Variants in EYA4 observed in about 807,000 individuals in gnomAD.
The protein encoded by EYA4 is protein phosphatase EYA4.
A neutral mutation model predicts 87.9 loss-of-function variants in EYA4; 31 were observed. The ratio of observed to expected loss-of-function variants is 0.35; its 90% CI spans 0.27 to 0.48. The LOEUF is 0.48. Among genes scored for constraint, EYA4 ranks in the 20% least tolerant of loss-of-function variants. The pLI, the probability that EYA4 is intolerant of heterozygous loss-of-function variation, is 0.99. For missense variants in EYA4, 678 were observed against 761.4 expected (o/e 0.89, Z 1.29); for synonymous variants, 263 against 270.6 (o/e 0.97, Z 0.28).
chr6:133,284,028 C>G (rs963601698), intron 2 of EYA4, among the ~76,000 whole-genome samples: 1 of 152,204 alleles, frequency 6.6e-6, no homozygotes, highest in African/African-American at 2.4e-5. Context: ...TCATGTTAAA[C>G]ACGTGAACTC....
At chr6:133,357,270 C>CAAAAAAAAAA (rs754202361) in intron 2 of EYA4, among the ~76,000 whole-genome samples, 1 of 65,302 alleles carries the variant, frequency 1.5e-5, no homozygotes, top group African/African-American at 6.6e-5. Flanking sequence ...GACTCCGTCT[C>CAAAAAAAAAA]AAAAAAAAAA....
At chr6:133,395,032 A>G (rs1168645234) in intron 3 of EYA4, among the ~76,000 whole-genome samples, 4 of 152,216 alleles carry the variant, frequency 2.6e-5, no homozygotes, top group African/African-American at 9.6e-5. Flanking sequence ...TCCCATTAAA[A>G]TATTTTAGAA....
At chr6:133,356,042 A>G (rs1783997016) in intron 2 of EYA4, among the ~76,000 whole-genome samples, 1 of 116,636 alleles carries the variant, frequency 8.6e-6, no homozygotes, top group Non-Finnish European at 1.6e-5. Context: ...AGAGAGAGAA[A>G]GAGAGAAAGA....
intron 2 of EYA4, among the ~76,000 whole-genome samples, chr6:133,302,082 A>G (rs1389773072): frequency 1.3e-5 from 2 of 152,222 alleles, no homozygotes; most frequent in African/African-American, 4.8e-5. Flanking sequence ...GTTTTTGCAA[A>G]TGACTCAGAA....
chr6:133,288,734 G>C (rs768643155), intron 2 of EYA4, among the ~76,000 whole-genome samples: 13 of 152,144 alleles, frequency 8.5e-5, no homozygotes, highest in Non-Finnish European at 1.8e-4. Context: ...TGAAGTGCAA[G>C]GAGGAAGATG....
intron 1 of EYA4, chr6:133,248,292 G>C (rs1774586479): frequency 6.6e-6 from 1 of 152,212 alleles, no homozygotes; most frequent in South Asian, 2.1e-4. Flanking sequence ...TAAAATGAAA[G>C]GGACATTTCT....
In EYA4 at chr6:133,355,618, C is replaced by T. The variant is rs145659282; in HGVS notation, c.34-26774C>T. On this transcript the variant is annotated intron_variant, in intron 2 of 19. Transcript: ENST00000355286. ...CCTGGGGATGAACCATACTCTTAAG[C>T]TTACTTGGGATGGCTTGTCCTCATT... is the stretch of plus-strand genomic sequence containing the variant. Among the ~76,000 whole-genome samples, 415 of 152,238 alleles carry T rather than the reference C, an allele frequency of 2.7e-3. 1 individual carries two copies. Among genetic ancestry groups the T allele is most frequent in the African/African-American group, 9.5e-3 (396 of 41,536 alleles).
chr6:133,360,020 C>CAGGA (rs1215170657), intron 2 of EYA4, among the ~76,000 whole-genome samples: 3 of 152,140 alleles, frequency 2.0e-5, no homozygotes, highest in South Asian at 2.1e-4. Flanking sequence ...GAAGGTAGCC[C>CAGGA]AGGAAGGGTT....
chr6:133,496,806 C>T (rs1797683649), intron 13 of EYA4, among the ~76,000 whole-genome samples: 1 of 152,064 alleles, frequency 6.6e-6, no homozygotes, highest in South Asian at 2.1e-4. Context: ...AAAAATATAC[C>T]TTCTTTCTCC....
intron 5 of EYA4, among the ~76,000 whole-genome samples, chr6:133,449,470 TG>T (rs1413346337): frequency 6.6e-6 from 1 of 152,222 alleles, no homozygotes; most frequent in Non-Finnish European, 1.5e-5. Flanking sequence ...AATTTACCTC[TG>T]ATCTCAACCA....
At chr6:133,257,168 G>T (rs1463093962) in intron 1 of EYA4, among the ~76,000 whole-genome samples, 1 of 152,076 alleles carries the variant, frequency 6.6e-6, no homozygotes, top group Non-Finnish European at 1.5e-5. Flanking sequence ...ATTGATTAAG[G>T]ATTTGTTATA....
intron 3 of EYA4, among the ~76,000 whole-genome samples, chr6:133,412,521 T>C (rs1789332601): frequency 1.3e-5 from 2 of 152,212 alleles, no homozygotes; most frequent in African/African-American, 4.8e-5. Flanking sequence ...GTAATGTATG[T>C]ATTTTTTGTG....
rs184291946 is a variant in EYA4 at position 133,389,816 on chromosome 6, A to G, written c.83+7375A>G. On this transcript the variant is annotated intron_variant, in intron 3 of 19. Coordinates refer to ENST00000355286, the MANE Select transcript of EYA4 (RefSeq NM_004100.5). ...TCAGCTATAGCCCCCCCAATTTTCT[A>G]TGAAACCATGTTTTTTGAATTTTCC... Among the ~76,000 whole-genome samples the G allele has an allele frequency of 1.6e-4, 24 of 152,188 alleles. 1 individual carries two copies. In the Middle Eastern group the frequency reaches 0.014, roughly 86 times the overall value.
At chr6:133,296,087 G>A (rs899155744) in intron 2 of EYA4, among the ~76,000 whole-genome samples, 31 of 152,162 alleles carry the variant, frequency 2.0e-4, no homozygotes, top group African/African-American at 7.0e-4. Context: ...CAGGCCTGAA[G>A]GAAGTAAAAG....
intron 1 of EYA4, among the ~76,000 whole-genome samples, chr6:133,243,577 G>GT (rs1409246046): frequency 6.7e-5 from 10 of 150,324 alleles, no homozygotes; most frequent in African/African-American, 2.2e-4. Flanking sequence ...CGTTGTTTTT[G>GT]TTTTTAAAAC....
intron 2 of EYA4, among the ~76,000 whole-genome samples, chr6:133,374,989 A>G (rs563242614): frequency 6.6e-6 from 1 of 152,068 alleles, no homozygotes; most frequent in Admixed American, 6.6e-5. Flanking sequence ...TTGTATAAAC[A>G]TATTAAAACA....
chr6:133,264,494 C>T (rs1183902261), intron 1 of EYA4, among the ~76,000 whole-genome samples: 1 of 152,222 alleles, frequency 6.6e-6, no homozygotes, highest in African/African-American at 2.4e-5. Context: ...CCTGCCCAAG[C>T]AGGGAACAAT....
At chr6:133,376,782 C>A (rs1461767882) in intron 2 of EYA4, among the ~76,000 whole-genome samples, 1 of 151,796 alleles carries the variant, frequency 6.6e-6, no homozygotes, top group Admixed American at 6.6e-5. Flanking sequence ...ATATATTTTC[C>A]AGATATTGAA....
chr6:133,359,056 G>A (rs1784278346), intron 2 of EYA4, among the ~76,000 whole-genome samples: 1 of 152,192 alleles, frequency 6.6e-6, no homozygotes, highest in African/African-American at 2.4e-5. Flanking sequence ...TCAAGAAACT[G>A]ACAGAAATTC....
Sources: gnomAD v4.1 joint callset for allele counts (sites outside exome capture counted in the v4.1 genomes callset) on GRCh38, gnomAD v4.1.1 for gene constraint, MANE v1.5 for transcripts, NCBI Gene and HGNC (gene_info 2026-07-23, HGNC 2026-07-21) for gene names.